REC114: variants seen among roughly 807,000 people sequenced by gnomAD.
REC114 encodes meiotic recombination protein REC114.
In REC114, 27 loss-of-function variants were observed where a neutral mutation model predicts 31.3. The observed-to-expected ratio is 0.86, with a 90% CI of 0.64 to 1.19. The LOEUF (loss-of-function observed/expected upper bound fraction) is 1.19. Ranked by LOEUF, REC114 falls within the 50% of genes most tolerant of loss-of-function variation. REC114 has a pLI of 0.00. For missense variants in REC114, 344 were observed against 326.9 expected (o/e 1.05, Z -0.40); for synonymous variants, 134 against 127.7 (o/e 1.05, Z -0.33).
chr15:73,513,193 T>C (rs2141315745), intron 2 of REC114, among the ~76,000 whole-genome samples: 1 of 149,090 alleles, frequency 6.7e-6, no homozygotes, highest in Non-Finnish European at 1.5e-5. Context: ...ATTTCATTCA[T>C]TTCATCTTCC....
intron 1 of REC114, among the ~76,000 whole-genome samples, chr15:73,447,648 AAAATAAATAAATAAATAAATAAAT>A (rs60241454): frequency 1.4e-5 from 2 of 143,308 alleles, no homozygotes; most frequent in East Asian, 4.1e-4. Flanking sequence ...ACTCTGTCTC[AAAATAAATAAATAAATAAATAAAT>A]AAATAAATAA....
chr15:73,443,338 A>G lies in REC114; in HGVS notation c.153A>G (p.Thr51=), dbSNP rs1016959027. 10 of 1,573,122 alleles carry G rather than the reference A, an allele frequency of 6.4e-6. No individual in the cohort carries two copies. The highest frequency in any genetic ancestry group is 8.6e-6 in the Non-Finnish European group (10 of 1,160,664). Residue 51 remains threonine (T), a synonymous_variant, in exon 1 of 6, where the codon ACA becomes ACG. Transcript: ENST00000331090. ...CLEAGTAPCP[T]WKVFDSNEES... ...AAGCTGGGACAGCCCCCTGCCCCAC[A>G]TGGAAGGTGAGGCCCGAAGGCAGGA...
At chr15:73,469,411 T>C (rs1893103628) in intron 1 of REC114, among the ~76,000 whole-genome samples, 1 of 152,142 alleles carries the variant, frequency 6.6e-6, no homozygotes, top group South Asian at 2.1e-4. Flanking sequence ...CCAGTTTTTA[T>C]TTTTTATTTT....
chr15:73,457,289 C>T (rs938302345), intron 1 of REC114, among the ~76,000 whole-genome samples: 2 of 151,932 alleles, frequency 1.3e-5, no homozygotes, highest in African/African-American at 4.8e-5. Flanking sequence ...GGGATTATTC[C>T]CTTAAATTCT....
chr15:73,542,174 T>C (rs1223271588), intron 3 of REC114, among the ~76,000 whole-genome samples: 1 of 151,466 alleles, frequency 6.6e-6, no homozygotes, highest in East Asian at 1.9e-4. Flanking sequence ...TTTTTAAAAA[T>C]ACAAAAATTA....
intron 1 of REC114, 91 bp from the exon 2 acceptor site, chr15:73,473,741 T>C: frequency 1.5e-6 from 1 of 688,122 alleles, no homozygotes; most frequent in Non-Finnish European, 2.4e-6. Context: ...AAAAGATCAA[T>C]ATGAGAAAAC....
chr15:73,443,331 G>C lies in REC114; in HGVS notation c.146G>C (p.Cys49Ser). The C allele has an allele frequency of 6.3e-7, 1 of 1,578,336 alleles. No homozygotes were observed. The highest frequency in any genetic ancestry group is 8.6e-7 in the Non-Finnish European group (1 of 1,163,386). ...TGCCTGGAAGCTGGGACAGCCCCCT[G>C]CCCCACATGGAAGGTGAGGCCCGAA... ...GPCLEAGTAP[C>S]PTWKVFDSNE... The change falls in exon 1 of 6, where the codon TGC (cysteine) becomes TCC (serine). Residue 49 changes from cysteine (C) to serine (S), a missense_variant. Physicochemically the swap from Cys to Ser is moderately radical, Grantham distance 112. Transcript: ENST00000331090.
chr15:73,557,511 A>C (rs962917456), intron 5 of REC114, among the ~76,000 whole-genome samples: 2 of 152,084 alleles, frequency 1.3e-5, no homozygotes, highest in Non-Finnish European at 2.9e-5. Flanking sequence ...AAAACTCAAG[A>C]GGTAGGAAGA....
At chr15:73,472,972 C>T (rs1595864018) in intron 1 of REC114, among the ~76,000 whole-genome samples, 1 of 151,934 alleles carries the variant, frequency 6.6e-6, no homozygotes, top group East Asian at 1.9e-4. Flanking sequence ...AATAGTATTG[C>T]AAGTAATGGG....
At chr15:73,501,590 A>T (rs988820307) in intron 2 of REC114, among the ~76,000 whole-genome samples, 1 of 152,118 alleles carries the variant, frequency 6.6e-6, no homozygotes, top group East Asian at 1.9e-4. Context: ...AATAACAGGT[A>T]TGTGCCACCA....
At chr15:73,550,730 A>C (rs1894375300) in intron 3 of REC114, among the ~76,000 whole-genome samples, 1 of 152,090 alleles carries the variant, frequency 6.6e-6, no homozygotes, top group South Asian at 2.1e-4. Context: ...TCCCAGAGGG[A>C]AGTGAATTTT....
At chr15:73,496,378 AGTT>A (rs1461708321) in intron 2 of REC114, among the ~76,000 whole-genome samples, 1 of 147,608 alleles carries the variant, frequency 6.8e-6, no homozygotes, top group Non-Finnish European at 1.5e-5. Context: ...AAAAAAAAAA[AGTT>A]GCAAAAGTAG....
intron 5 of REC114, among the ~76,000 whole-genome samples, chr15:73,557,968 T>C (rs1348609706): frequency 1.3e-5 from 2 of 152,146 alleles, no homozygotes; most frequent in Admixed American, 6.5e-5. Context: ...GCTTAAGAAA[T>C]TGGAAACAAC....
chr15:73,451,425 A>C (rs998626399), intron 1 of REC114, among the ~76,000 whole-genome samples: 2 of 152,196 alleles, frequency 1.3e-5, no homozygotes, highest in Non-Finnish European at 2.9e-5. Flanking sequence ...CCCAAGACTA[A>C]ACCAGGAAGA....
At chr15:73,443,462 C>T (rs1892725574) in intron 1 of REC114, 118 bp downstream of exon 1, 3 of 1,238,662 alleles carry the variant, frequency 2.4e-6, no homozygotes, top group Non-Finnish European at 3.2e-6. Flanking sequence ...GAGTGACTGC[C>T]AGGCCTGTTG....
Position 73,559,783 on chromosome 15 carries a change from T to G in REC114, c.668T>G (p.Val223Gly), listed in dbSNP as rs1323182053. 6.2e-7 allele frequency: 1 copy of G among 1,606,984 alleles called. No individual in the cohort carries two copies. The highest frequency in any genetic ancestry group is 1.7e-5 in the Admixed American group (1 of 57,830). ...TLLASEELPH[V>G]YEQSAWGAEE... ...CTGGCATCGGAGGAGCTGCCCCATG[T>G]CTATGAACAATCTGCATGGGGTGCA... is the stretch of plus-strand genomic sequence containing the variant. Residue 223 changes from valine (V) to glycine (G), a missense_variant, in exon 6 of 6, where the codon GTC (valine) becomes GGC (glycine). Physicochemically the swap from Val to Gly is moderately radical, Grantham distance 109. Coordinates refer to ENST00000331090, the MANE Select transcript of REC114 (RefSeq NM_001042367.2).
rs376869210 is a variant in REC114 at position 73,500,208 on chromosome 15, G to C, written c.249+26287G>C. ...CTACAATGTGAATCCTTTAGGGTAGGTACCAAGCTCTTTTCACCTGTTCTC... is the reference window on the plus strand; with the variant it reads ...CTACAATGTGAATCCTTTAGGGTAGCTACCAAGCTCTTTTCACCTGTTCTC... On this transcript the variant is annotated intron_variant, in intron 2 of 5. Transcript: ENST00000331090. Among the ~76,000 whole-genome samples the C allele has an allele frequency of 2.2e-4, 34 of 152,150 alleles. 2 individuals are homozygous for C. The South Asian group carries it at 6.4e-3, about 29-fold the overall frequency.
intron 1 of REC114, among the ~76,000 whole-genome samples, chr15:73,465,580 A>G (rs1248740760): frequency 6.6e-6 from 1 of 152,140 alleles, no homozygotes; most frequent in African/African-American, 2.4e-5. Context: ...ATTATCTCAT[A>G]TACTAGATAA....
At chr15:73,496,577 C>T (rs1029934583) in intron 2 of REC114, among the ~76,000 whole-genome samples, 2 of 149,312 alleles carry the variant, frequency 1.3e-5, no homozygotes, top group South Asian at 2.1e-4. Context: ...TGTTTGAATC[C>T]GGGAGGTGGA....
Sources: gnomAD v4.1 joint callset for allele counts (sites outside exome capture counted in the v4.1 genomes callset) on GRCh38, gnomAD v4.1.1 for gene constraint, MANE v1.5 for transcripts, NCBI Gene and HGNC (gene_info 2026-07-23, HGNC 2026-07-21) for gene names.